MYO9A: variants seen among roughly 807,000 people sequenced by gnomAD.
The protein encoded by MYO9A is myosin IXA, also known as unconventional myosin-IXa.
Under a neutral mutation model 293.3 loss-of-function variants are expected in MYO9A, and 103 were observed. That is an observed-to-expected ratio of 0.35 (90% CI 0.30 to 0.41). The LOEUF (loss-of-function observed/expected upper bound fraction) is 0.41, where lower values mean the gene tolerates loss of function less well. Ranked by LOEUF, MYO9A falls within the 10% of genes least tolerant of loss-of-function variation. The probability of loss-of-function intolerance (pLI) is 1.00; values close to 1 mark genes in which losing one functional copy is unlikely to be tolerated. For synonymous variants in MYO9A, 1,001 were observed against 1,035.7 expected (o/e 0.97, Z 0.64); for missense variants, 2,685 against 3,033.0 (o/e 0.89, Z 2.69).
chr15:71,987,597 C>T (rs528648267), intron 11 of MYO9A, among the ~76,000 whole-genome samples: 1 of 152,072 alleles, frequency 6.6e-6, no homozygotes, highest in Non-Finnish European at 1.5e-5. Context: ...AACTACTTTA[C>T]CTTATATCTG....
intron 25 of MYO9A, among the ~76,000 whole-genome samples, chr15:71,896,448 T>C (rs2057329928): frequency 6.6e-6 from 1 of 152,146 alleles, no homozygotes; most frequent in African/African-American, 2.4e-5. Flanking sequence ...TAAAAATGCT[T>C]TTCTCATGAC....
rs542657018 is a variant in MYO9A at position 72,105,280 on chromosome 15, G to T, written c.-72+12400C>A. 2.6e-5 allele frequency among the ~76,000 whole-genome samples: 4 copies of T among 152,046 alleles called. No homozygotes were observed. In the South Asian group the frequency reaches 6.2e-4, roughly 24 times the overall value. ...CCCAGGCTGTTGGACTACTACCGTG[G>T]CATGATCATTATGGCTCAGTGTAAC... On this transcript the variant is annotated intron_variant, in intron 1 of 41. Coordinates refer to ENST00000356056, the MANE Select transcript of MYO9A (RefSeq NM_006901.4).
intron 30 of MYO9A, among the ~76,000 whole-genome samples, chr15:71,878,740 A>ATTTTTTTTTTTTTTTTTTTTTTT (rs200866619): frequency 9.2e-6 from 1 of 108,624 alleles, no homozygotes; most frequent in African/African-American, 3.4e-5. Flanking sequence ...GAGATCTGGA[A>ATTTTTTTTTTTTTTTTTTTTTTT]TTTTTTTTTT....
chr15:71,988,904 C>T (rs1190446217), intron 11 of MYO9A, among the ~76,000 whole-genome samples: 1 of 151,874 alleles, frequency 6.6e-6, no homozygotes, highest in Non-Finnish European at 1.5e-5. Flanking sequence ...AAAGCCCACT[C>T]TTTTTTTTGA....
chr15:71,872,523 A>C (rs2056546259), intron 32 of MYO9A, among the ~76,000 whole-genome samples: 1 of 152,184 alleles, frequency 6.6e-6, no homozygotes, highest in South Asian at 2.1e-4. Context: ...ACATTCCCCA[A>C]ATACCCTGAC....
In MYO9A at chr15:71,830,254, G is replaced by A. The variant is rs371514628; in HGVS notation, c.6895C>T (p.Arg2299Trp). The change falls in exon 40 of 42, where the codon CGG becomes TGG. Residue 2299 changes from arginine (R) to tryptophan (W), a missense_variant. Arg to Trp is a moderately radical substitution (Grantham distance 101, BLOSUM62 -3). This residue lies in a region of MYO9A where 350 missense variants were observed against 328.9 expected (regional missense o/e 1.06). Transcript: ENST00000356056. ...YPGPSSPVVV[R>W]LPSVSDVSEE... is the part of the protein sequence containing the mutation. ...GAGACATCAGACACAGAAGGCAACC[G>A]AACTACAACAGGAGACGATGGACCT... 8.3e-5 allele frequency: 134 copies of A among 1,613,888 alleles called. No individual in the cohort carries two copies. The highest frequency in any genetic ancestry group is 1.1e-4 in the Non-Finnish European group (125 of 1,179,988).
intron 39 of MYO9A, among the ~76,000 whole-genome samples, chr15:71,830,854 T>G (rs186716067): frequency 1.3e-5 from 2 of 152,248 alleles, no homozygotes; most frequent in Admixed American, 1.3e-4. Context: ...AAAACTCAGT[T>G]TTGAAAAACA....
At chr15:72,082,346 T>A (rs964622033) in intron 1 of MYO9A, among the ~76,000 whole-genome samples, 37 of 152,310 alleles carry the variant, frequency 2.4e-4, no homozygotes, top group African/African-American at 8.7e-4. Context: ...GTTGGTGTAT[T>A]GGAATGCTAG....
intron 13 of MYO9A, among the ~76,000 whole-genome samples, chr15:71,961,439 T>G (rs193254819): frequency 6.6e-6 from 1 of 152,302 alleles, no homozygotes; most frequent in Admixed American, 6.5e-5. Context: ...AGGATAATAA[T>G]AGTAGGTAAC....
chr15:71,859,337 ACCAT>A lies in MYO9A; in HGVS notation c.6153+394_6153+397del, dbSNP rs1193557643. Among the ~76,000 whole-genome samples, 13 of 152,302 alleles carry A rather than the reference ACCAT, an allele frequency of 8.5e-5. No homozygotes were observed. In the East Asian group the frequency reaches 2.5e-3, roughly 29 times the overall value. On this transcript the variant is annotated intron_variant, in intron 34 of 41. Coordinates refer to ENST00000356056, the MANE Select transcript of MYO9A (RefSeq NM_006901.4). ...CCAAGAGATATATGTAAAAACACCA[ACCAT>A]CCATGCTGGTGAATTTTGCTACTCA...
chr15:71,964,081 T>G (rs781600944), intron 13 of MYO9A, among the ~76,000 whole-genome samples: 27 of 152,186 alleles, frequency 1.8e-4, no homozygotes, highest in Non-Finnish European at 3.7e-4. Context: ...ATGCATATCC[T>G]TCTAATATCT....
At chr15:71,878,257 A>G in intron 30 of MYO9A, 26 bp from the exon 31 acceptor site, 1 of 1,462,202 alleles carries the variant, frequency 6.8e-7, no homozygotes, top group Non-Finnish European at 9.1e-7. Context: ...AAAGAAATGT[A>G]TGGTTTTATA....
intron 1 of MYO9A, among the ~76,000 whole-genome samples, chr15:72,051,254 CCA>C (rs2078553530): frequency 6.6e-6 from 1 of 152,144 alleles, no homozygotes; most frequent in Non-Finnish European, 1.5e-5. Context: ...GCGGCCACTG[CCA>C]TGATACCAGC....
At chr15:72,101,953 C>T (rs1224617126) in intron 1 of MYO9A, among the ~76,000 whole-genome samples, 1 of 152,026 alleles carries the variant, frequency 6.6e-6, no homozygotes, top group African/African-American at 2.4e-5. Flanking sequence ...AAGTGAGGAG[C>T]CCCTCTGCCC....
intron 1 of MYO9A, among the ~76,000 whole-genome samples, chr15:72,053,887 GAA>G (rs2149831851): frequency 6.6e-6 from 1 of 152,184 alleles, no homozygotes; most frequent in African/African-American, 2.4e-5. Context: ...CAAGAAAGGA[GAA>G]GAGAAAAAAG....
chr15:71,840,149 A>G (rs2055092043), intron 39 of MYO9A, among the ~76,000 whole-genome samples: 1 of 152,242 alleles, frequency 6.6e-6, no homozygotes, highest in Admixed American at 6.5e-5. Context: ...ATTCCCTGAA[A>G]GTGGAGTCTG....
chr15:72,077,481 C>A (rs1315938800), intron 1 of MYO9A, among the ~76,000 whole-genome samples: 6 of 151,898 alleles, frequency 4.0e-5, no homozygotes, highest in Non-Finnish European at 8.8e-5. Flanking sequence ...CATTTGAGGT[C>A]AGGAGTTTAA....
chr15:72,096,555 AAGG>A (rs768831889), intron 1 of MYO9A, among the ~76,000 whole-genome samples: 1 of 152,332 alleles, frequency 6.6e-6, no homozygotes, highest in African/African-American at 2.4e-5. Context: ...AAAGATGTAC[AAGG>A]AGATTAATGT....
chr15:71,864,632 T>C (rs2056261607), intron 32 of MYO9A, among the ~76,000 whole-genome samples: 1 of 152,164 alleles, frequency 6.6e-6, no homozygotes, highest in African/African-American at 2.4e-5. Flanking sequence ...ATCCATGCAA[T>C]GGAATTCTAT....
Sources: gnomAD v4.1 joint callset for allele counts (sites outside exome capture counted in the v4.1 genomes callset) on GRCh38, gnomAD v4.1.1 for gene constraint, gnomAD v4.1.1 regional missense constraint, MANE v1.5 for transcripts, NCBI Gene and HGNC (gene_info 2026-07-23, HGNC 2026-07-21) for gene names.